AKAP13: variants seen among roughly 807,000 people sequenced by gnomAD.
AKAP13 encodes the protein A-kinase anchoring protein 13, also known as A-kinase anchor protein 13.
In AKAP13, 80 loss-of-function variants were observed where a neutral mutation model predicts 264.5. That is an observed-to-expected ratio of 0.30 (90% CI 0.25 to 0.36). AKAP13 has a LOEUF of 0.36. AKAP13 is among the 10% of genes least tolerant of loss of function. The pLI is 1.00. For synonymous variants in AKAP13, 1,380 were observed against 1,250.2 expected (o/e 1.10, Z -2.19); for missense variants, 3,712 against 3,435.2 (o/e 1.08, Z -2.01).
chr15:85,494,478 G>C (rs1459367167), intron 2 of AKAP13, among the ~76,000 whole-genome samples: 1 of 152,150 alleles, frequency 6.6e-6, no homozygotes, highest in Non-Finnish European at 1.5e-5. Flanking sequence ...TACTTGATAT[G>C]CCAGAGAAAG....
At chr15:85,519,345 C>T (rs938017145) in intron 2 of AKAP13, among the ~76,000 whole-genome samples, 2 of 152,146 alleles carry the variant, frequency 1.3e-5, no homozygotes, top group Non-Finnish European at 2.9e-5. Flanking sequence ...CCCGCCCCCA[C>T]AAAATGTAAA....
intron 10 of AKAP13, among the ~76,000 whole-genome samples, chr15:85,647,005 C>T (rs972076416): frequency 2.6e-5 from 4 of 152,132 alleles, no homozygotes; most frequent in Admixed American, 1.3e-4. Context: ...TCTACCAACA[C>T]GGTTCCTTCT....
chr15:85,645,896 GTGATTC>G lies in AKAP13; in HGVS notation c.4320_4325del (p.Ser1441_Asp1442del). On this transcript the variant is annotated inframe_deletion, in exon 10 of 37. Coordinates refer to ENST00000394518, the MANE Select transcript of AKAP13 (RefSeq NM_007200.5). ...GGTGTACTTAAAAGAGAATCTGGGAGTGATTCTGACCTCTTTCACTCACCCAGTGAT... is the reference window on the plus strand; with the variant it reads ...GGTGTACTTAAAAGAGAATCTGGGAGTGACCTCTTTCACTCACCCAGTGAT... The G allele has an allele frequency of 6.2e-7, 1 of 1,613,752 alleles. No homozygotes were observed. Among genetic ancestry groups the G allele is most frequent in the Non-Finnish European group, 8.5e-7 (1 of 1,179,938 alleles).
chr15:85,524,689 A>G (rs2076956438), intron 3 of AKAP13, among the ~76,000 whole-genome samples: 1 of 152,182 alleles, frequency 6.6e-6, no homozygotes, highest in East Asian at 1.9e-4. Context: ...TAGAGTTGAC[A>G]CACAGACATT....
chr15:85,703,629 G>T (rs1396490088), intron 17 of AKAP13, among the ~76,000 whole-genome samples: 4 of 152,122 alleles, frequency 2.6e-5, no homozygotes, highest in African/African-American at 9.7e-5. Context: ...ATCACCTGAG[G>T]TTAGGAGTTT....
In AKAP13 at chr15:85,719,341, G is replaced by A. The variant is rs748542971; in HGVS notation, c.6252+15G>A. The stretch of plus-strand genomic sequence containing the variant: ...TTGTAAATCAGGTGAGAATGGGAAG[G>A]ATCTCAGGTTCTTACATACACTGGG... On this transcript the variant is annotated intron_variant, in intron 23 of 36. Transcript: ENST00000394518. 5.4e-5 allele frequency: 87 copies of A among 1,613,342 alleles called. No individual in the cohort carries two copies. The highest frequency in any genetic ancestry group is 4.9e-4 in the Middle Eastern group (3 of 6,078).
intron 17 of AKAP13, among the ~76,000 whole-genome samples, chr15:85,704,876 G>A (rs565598977): frequency 1.3e-5 from 2 of 152,308 alleles, no homozygotes; most frequent in South Asian, 2.1e-4. Flanking sequence ...GCTGATGTCA[G>A]TGGGGCTGAA....
intron 8 of AKAP13, among the ~76,000 whole-genome samples, chr15:85,608,116 G>T (rs780786004): frequency 4.5e-4 from 68 of 149,466 alleles, no homozygotes; most frequent in Admixed American, 1.3e-4. Context: ...TTGTCTGACT[G>T]TGTGACTGTG....
chr15:85,567,438 G>A (rs974382293), intron 5 of AKAP13, among the ~76,000 whole-genome samples: 1 of 152,160 alleles, frequency 6.6e-6, no homozygotes, highest in Non-Finnish European at 1.5e-5. Flanking sequence ...GACATATTTT[G>A]TAGTAGTGGT....
intron 33 of AKAP13, among the ~76,000 whole-genome samples, chr15:85,738,286 GGAGGCT>G (rs913536405): frequency 2.6e-5 from 4 of 151,858 alleles, no homozygotes; most frequent in African/African-American, 7.3e-5. Context: ...CAGCTACTCA[GGAGGCT>G]GAGGCAGGAG....
chr15:85,729,250 A>C (rs974045410), intron 29 of AKAP13, among the ~76,000 whole-genome samples: 1 of 152,006 alleles, frequency 6.6e-6, no homozygotes, highest in Non-Finnish European at 1.5e-5. Context: ...TAGAGGTTTC[A>C]GTGAGCCGAG....
intron 2 of AKAP13, among the ~76,000 whole-genome samples, chr15:85,506,956 A>G (rs1307399495): frequency 6.6e-6 from 1 of 152,084 alleles, no homozygotes; most frequent in Non-Finnish European, 1.5e-5. Flanking sequence ...CCCTCCTTGG[A>G]GTGACTTTAT....
chr15:85,575,226 A>C lies in AKAP13; in HGVS notation c.758A>C (p.Tyr253Ser), dbSNP rs779516831. Residue 253 changes from tyrosine to serine, a missense_variant, in exon 6 of 37, where the codon TAT becomes TCT. Around this residue, in one of 3 missense-constraint regions of AKAP13, gnomAD observed 2,759 missense variants for 2,411.7 expected, o/e 1.14. Transcript: ENST00000394518. ...AGGCATCATCGAGAGTTGGACATCT[A>C]TACATTAACCTCTGAGTCTGATTCA... ...SVRHHRELDI[Y>S]TLTSESDSHH... 3 of 1,614,178 alleles carry C rather than the reference A, an allele frequency of 1.9e-6. No individual in the cohort carries two copies. Among genetic ancestry groups the C allele is most frequent in the African/African-American group, 1.3e-5 (1 of 75,044 alleles).
At position 85,590,316 on chromosome 15, in the gene AKAP13, A is replaced by G. The variant is rs150182272; in HGVS notation, c.4161+4493A>G. ...GTTTTGTAACATTCTCTAAACGTGT[A>G]ATGGTCAGAGCATAAGAACCTCTGT... On this transcript the variant is annotated intron_variant, in intron 8 of 36. Transcript: ENST00000394518. Among the ~76,000 whole-genome samples the G allele has an allele frequency of 8.9e-4, 135 of 152,364 alleles. 2 individuals are homozygous for G. Among genetic ancestry groups the G allele is most frequent in the African/African-American group, 3.0e-3 (126 of 41,580 alleles).
chr15:85,626,381 C>G (rs530293824), intron 8 of AKAP13, among the ~76,000 whole-genome samples: 1 of 152,322 alleles, frequency 6.6e-6, no homozygotes, highest in South Asian at 2.1e-4. Context: ...AACTGGAATT[C>G]TTTACCTGTT....
intron 1 of AKAP13, among the ~76,000 whole-genome samples, chr15:85,442,490 A>T (rs1208034900): frequency 5.4e-5 from 6 of 110,454 alleles, no homozygotes; most frequent in South Asian, 2.6e-4. Flanking sequence ...TAATATATAT[A>T]ATATATATTA....
chr15:85,539,708 A>T (rs1272074192), intron 4 of AKAP13, among the ~76,000 whole-genome samples: 1 of 152,214 alleles, frequency 6.6e-6, no homozygotes, highest in Non-Finnish European at 1.5e-5. Context: ...ATATAAGTAA[A>T]TAGAAAGCAG....
At chr15:85,438,342 T>G (rs1196782077) in intron 1 of AKAP13, among the ~76,000 whole-genome samples, 1 of 149,266 alleles carries the variant, frequency 6.7e-6, no homozygotes, top group Non-Finnish European at 1.5e-5. Flanking sequence ...GGAAGAACAT[T>G]CCATGCTCAT....
intron 8 of AKAP13, among the ~76,000 whole-genome samples, chr15:85,627,886 A>G (rs1051742328): frequency 6.6e-6 from 1 of 152,168 alleles, no homozygotes; most frequent in African/African-American, 2.4e-5. Flanking sequence ...CTTTTTTCGT[A>G]TAGCTAGAAT....
Sources: gnomAD v4.1 joint callset for allele counts (sites outside exome capture counted in the v4.1 genomes callset) on GRCh38, gnomAD v4.1.1 for gene constraint, gnomAD v4.1.1 regional missense constraint, MANE v1.5 for transcripts, NCBI Gene and HGNC (gene_info 2026-07-23, HGNC 2026-07-21) for gene names.